PSG6: variants seen among roughly 807,000 people sequenced by gnomAD.
The protein encoded by PSG6 is pregnancy specific beta-1-glycoprotein 6, also known as pregnancy-specific beta-1-glycoprotein 6.
In PSG6, 51 loss-of-function variants were observed where a neutral mutation model predicts 43.3. That is an observed-to-expected ratio of 1.18 (90% CI 0.94 to 1.49). The LOEUF is 1.49. Among genes scored for constraint, PSG6 ranks in the 40% most tolerant of loss-of-function variants. PSG6 has a pLI of 0.00. For missense variants in PSG6, 770 were observed against 522.2 expected, an observed-to-expected ratio of 1.47 and a Z score of -4.62; for synonymous variants, 292 against 197.6, an observed-to-expected ratio of 1.48 and a Z score of -4.01.
intron 2 of PSG6, among the ~76,000 whole-genome samples, chr19:42,912,561 G>A (rs758207092): frequency 7.9e-5 from 12 of 151,716 alleles, no homozygotes; most frequent in Non-Finnish European, 1.6e-4. Flanking sequence ...CATAAAAGGA[G>A]GAAGGATGCC....
chr19:42,917,201 A>T (rs547971450), intron 1 of PSG6, among the ~76,000 whole-genome samples: 2 of 151,324 alleles, frequency 1.3e-5, no homozygotes, highest in East Asian at 3.9e-4. Flanking sequence ...GTGGCCCCTG[A>T]TGATTAATCA....
intron 2 of PSG6, among the ~76,000 whole-genome samples, chr19:42,914,219 G>A (rs1421954536): frequency 2.0e-5 from 3 of 151,340 alleles, no homozygotes; most frequent in South Asian, 2.1e-4. Context: ...ACATTGGCTC[G>A]AGAGGAAGCC....
rs571721466 is a variant in PSG6, at chr19:42,915,703, C to T, written c.427+422G>A. ...TCCTGGCACAGGCTCCTCAGCTTTA[C>T]CTGGAGCAAGGATTTAGGGACAGGG... is the stretch of plus-strand genomic sequence containing the variant. On this transcript the variant is annotated intron_variant, in intron 2 of 5. Coordinates refer to ENST00000187910, the MANE Select transcript of PSG6 (RefSeq NM_001031850.4). The T allele has an allele frequency of 1.6e-3, 404 of 247,868 alleles. 12 individuals are homozygous for T. The highest frequency in any genetic ancestry group is 8.4e-3 in the African/African-American group (375 of 44,678). 15.4% of individuals were successfully genotyped at this position (247,868 alleles called of 1,614,324 possible).
At chr19:42,913,744 CG>C (rs1342461695) in intron 2 of PSG6, among the ~76,000 whole-genome samples, 2 of 151,638 alleles carry the variant, frequency 1.3e-5, no homozygotes, top group Non-Finnish European at 2.9e-5. Flanking sequence ...TTCTGACAAC[CG>C]GCTGACCTCA....
At chr19:42,917,442 C>G (rs1347073759) in intron 1 of PSG6, among the ~76,000 whole-genome samples, 4 of 147,246 alleles carry the variant, frequency 2.7e-5, no homozygotes, top group Non-Finnish European at 4.5e-5. Context: ...CGGCTAGCTG[C>G]AACTTCTGCC....
chr19:42,903,772 A>G, intron 5 of PSG6: 5 of 1,492,892 alleles, frequency 3.3e-6, no homozygotes, highest in Non-Finnish European at 4.5e-6. Context: ...ATGCACCTGT[A>G]GTCCTAGCAT....
At chr19:42,915,934 A>T (rs1221257835) in intron 2 of PSG6, 191 bp downstream of exon 2, 1 of 894,716 alleles carries the variant, frequency 1.1e-6, no homozygotes, top group African/African-American at 2.0e-5. Context: ...CAGGGTCTGG[A>T]TGCGGGAAAG....
chr19:42,910,403 A>G lies in PSG6; in HGVS notation c.706+177T>C, dbSNP rs1452357154. On this transcript the variant is annotated intron_variant, in intron 3 of 5. Coordinates refer to ENST00000187910, the MANE Select transcript of PSG6 (RefSeq NM_001031850.4). ...TGACAGGAGAAGCCTCTTCTCTCTTATTGTTGATCAAGCCTAGGCCTACTC... is the reference window on the plus strand; with the variant it reads ...TGACAGGAGAAGCCTCTTCTCTCTTGTTGTTGATCAAGCCTAGGCCTACTC... The G allele has an allele frequency of 7.3e-6, 11 of 1,501,720 alleles. 1 individual carries two copies. The highest frequency in any genetic ancestry group is 1.2e-5 in the South Asian group (1 of 84,384). 93.0% of individuals were successfully genotyped at this position (1,501,720 alleles called of 1,614,324 possible). A position where few individuals can be genotyped will look rare whatever the true frequency, so the allele number is the denominator to read the frequency against.
At chr19:42,915,518 C>A (rs1164011619) in intron 2 of PSG6, 1 of 155,470 alleles carries the variant, frequency 6.4e-6, no homozygotes, top group Non-Finnish European at 1.4e-5. Flanking sequence ...GTCTTTCTGT[C>A]CTCTCCACTC....
At chr19:42,904,265 C>A (rs1262820197) in intron 5 of PSG6, among the ~76,000 whole-genome samples, 2 of 151,596 alleles carry the variant, frequency 1.3e-5, no homozygotes, top group Non-Finnish European at 2.9e-5. Flanking sequence ...GCTATTGACA[C>A]TTTTATTCAA....
At chr19:42,914,738 C>A (rs879766841) in intron 2 of PSG6, among the ~76,000 whole-genome samples, 4 of 151,570 alleles carry the variant, frequency 2.6e-5, no homozygotes, top group Non-Finnish European at 4.4e-5. Context: ...TTTCTTCATT[C>A]CATTCCTTCA....
At chr19:42,910,404 T>C (rs764400710) in intron 3 of PSG6, 176 bp downstream of exon 3, 10 of 1,503,502 alleles carry the variant, frequency 6.7e-6, no homozygotes, top group African/African-American at 4.2e-5. Flanking sequence ...TTCTCTCTTA[T>C]TGTTGATCAA....
chr19:42,913,820 T>A (rs1387523734), intron 2 of PSG6, among the ~76,000 whole-genome samples: 1 of 151,548 alleles, frequency 6.6e-6, no homozygotes, highest in African/African-American at 2.4e-5. Context: ...ATTCAAGCAC[T>A]AACAGATCAT....
Position 42,902,337 on chromosome 19 carries a change from T to G in PSG6, c.*75A>C. 1 of 1,551,210 alleles carries G rather than the reference T, an allele frequency of 6.4e-7. No homozygotes were observed. Among genetic ancestry groups the G allele is most frequent in the Non-Finnish European group, 8.8e-7 (1 of 1,136,380 alleles). ...ATTATTTAGTCCAATAACATTGAGT[T>G]TTTTTCTTCTTTGTCTTGAATTTCA... On this transcript the variant is annotated 3_prime_UTR_variant, in exon 6 of 6. Coordinates refer to ENST00000187910, the MANE Select transcript of PSG6 (RefSeq NM_001031850.4).
chr19:42,915,766 G>A (rs1288476674), intron 2 of PSG6: 3 of 408,270 alleles, frequency 7.3e-6, no homozygotes, highest in East Asian at 8.0e-5. Context: ...GGTTCTCTGA[G>A]GGTATCTCAG....
chr19:42,904,386 T>A (rs1214614627), intron 5 of PSG6, among the ~76,000 whole-genome samples: 6 of 151,674 alleles, frequency 4.0e-5, no homozygotes, highest in Admixed American at 2.6e-4. Flanking sequence ...TTGAACTTAT[T>A]TGTAGAAAAT....
chr19:42,905,174 T>A lies in PSG6; in HGVS notation c.1240+1748A>T, dbSNP rs115102460. Among the ~76,000 whole-genome samples, 1,375 of 151,666 alleles carry A rather than the reference T, an allele frequency of 9.1e-3. 49 individuals carry two copies. The highest frequency in any genetic ancestry group is 0.032 in the African/African-American group (1,314 of 41,370). ...AATGTAAGAGTAAAAACTATACAAC[T>A]CTTAGAAGAAAAACTTCATGATAGT... is the stretch of plus-strand genomic sequence containing the variant. On this transcript the variant is annotated intron_variant, in intron 5 of 5. Coordinates refer to ENST00000187910, the MANE Select transcript of PSG6 (RefSeq NM_001031850.4).
chr19:42,906,403 T>C (rs968739191), intron 5 of PSG6, among the ~76,000 whole-genome samples: 1 of 150,936 alleles, frequency 6.6e-6, no homozygotes, highest in African/African-American at 2.4e-5. Flanking sequence ...CCAGGTGGAG[T>C]CAGGCAGGGC....
intron 3 of PSG6, 23 bp downstream of exon 3, chr19:42,910,557 A>G (rs761786636): frequency 1.2e-6 from 2 of 1,612,478 alleles, no homozygotes; most frequent in African/African-American, 1.3e-5. Flanking sequence ...AGCCTGGCTC[A>G]CAGAGGAACA....
Sources: allele counts gnomAD v4.1 joint callset (sites outside exome capture counted in the v4.1 genomes callset), GRCh38; gene constraint gnomAD v4.1.1; transcripts MANE v1.5; gene names NCBI Gene and HGNC (gene_info 2026-07-23, HGNC 2026-07-21).